DLC1: variants seen among roughly 807,000 people sequenced by gnomAD.
The protein encoded by DLC1 is rho GTPase-activating protein 7.
A neutral mutation model predicts 140.3 loss-of-function variants in DLC1; 54 were observed. The ratio of observed to expected loss-of-function variants is 0.38; its 90% CI spans 0.31 to 0.48. The LOEUF (loss-of-function observed/expected upper bound fraction) is 0.48. DLC1 is among the 20% of genes least tolerant of loss of function. The probability of loss-of-function intolerance (pLI) is 0.96; values close to 1 mark genes in which losing one functional copy is unlikely to be tolerated. For synonymous variants in DLC1, 986 were observed against 728.1 expected (o/e 1.35, Z -5.70); for missense variants, 2,536 against 1,907.0 (o/e 1.33, Z -6.14).
At chr8:13,091,231 G>T (rs1367563522) in intron 14 of DLC1, 87 bp downstream of exon 14, 4 of 1,298,780 alleles carry the variant, frequency 3.1e-6, no homozygotes, top group Non-Finnish European at 3.3e-6. Flanking sequence ...AAGGTCTTCA[G>T]GTAAGACATG....
chr8:13,432,546 CT>C (rs1174805329), intron 2 of DLC1, among the ~76,000 whole-genome samples: 1 of 152,080 alleles, frequency 6.6e-6, no homozygotes, highest in Non-Finnish European at 1.5e-5. Flanking sequence ...ATTCTTTGCA[CT>C]AAGAAAGGCA....
chr8:13,274,683 C>G (rs1233479263), intron 5 of DLC1, among the ~76,000 whole-genome samples: 1 of 152,144 alleles, frequency 6.6e-6, no homozygotes. Flanking sequence ...TTCTCATCAG[C>G]TGTCAAAGGC....
At chr8:13,378,731 T>A (rs1255623886) in intron 4 of DLC1, among the ~76,000 whole-genome samples, 1 of 152,170 alleles carries the variant, frequency 6.6e-6, no homozygotes, top group Non-Finnish European at 1.5e-5. Context: ...GAACAGAACT[T>A]CCGTTATGTG....
intron 5 of DLC1, among the ~76,000 whole-genome samples, chr8:13,142,998 G>C (rs1251930646): frequency 6.7e-6 from 1 of 150,366 alleles, no homozygotes; most frequent in Non-Finnish European, 1.5e-5. Flanking sequence ...AGCCAAGATT[G>C]TGCCGTTGCG....
Position 13,526,682 on chromosome 8 carries a change from A to G in DLC1, c.-125-26486T>C, listed in dbSNP as rs540904796. Among the ~76,000 whole-genome samples the G allele has an allele frequency of 7.6e-4, 115 of 152,304 alleles. 1 individual carries two copies. The Middle Eastern group carries it at 0.01, about 14-fold the overall frequency. On this transcript the variant is annotated intron_variant, in intron 1 of 1. Coordinates refer to the DLC1 transcript ENST00000631382. The stretch of plus-strand genomic sequence containing the variant: ...CAAACTATCGCAAGGACAGAAAGCC[A>G]AACACCGCATGTTCTCATTCATAGG...
chr8:13,453,047 G>T (rs978273494), intron 2 of DLC1, among the ~76,000 whole-genome samples: 1 of 151,776 alleles, frequency 6.6e-6, no homozygotes, highest in Non-Finnish European at 1.5e-5. Context: ...ACCCTATCAG[G>T]CAATTTAATC....
At chr8:13,370,954 A>C (rs930994547) in intron 4 of DLC1, among the ~76,000 whole-genome samples, 8 of 152,170 alleles carry the variant, frequency 5.3e-5, no homozygotes, top group Non-Finnish European at 1.0e-4. Flanking sequence ...TGCAGTGTTT[A>C]ATGGCTCTGA....
intron 1 of DLC1, among the ~76,000 whole-genome samples, chr8:13,504,863 G>A (rs1801983188): frequency 6.6e-6 from 1 of 152,054 alleles, no homozygotes; most frequent in South Asian, 2.1e-4. Flanking sequence ...ATGGCAAAAG[G>A]AAGCCAAGAA....
intron 5 of DLC1, among the ~76,000 whole-genome samples, chr8:13,293,813 G>C (rs758332829): frequency 1.8e-4 from 28 of 151,790 alleles, no homozygotes; most frequent in African/African-American, 6.5e-4. Context: ...TGTCATCTAC[G>C]TGTGTTGCTT....
chr8:13,478,863 C>G (rs1800556575), intron 2 of DLC1, among the ~76,000 whole-genome samples: 1 of 152,172 alleles, frequency 6.6e-6, no homozygotes, highest in Admixed American at 6.5e-5. Flanking sequence ...TGTTCTTGAA[C>G]CCACTGAAAA....
intron 1 of DLC1, among the ~76,000 whole-genome samples, chr8:13,579,374 A>ATAT (rs1491176204): frequency 1.6e-5 from 1 of 60,946 alleles, no homozygotes; most frequent in African/African-American, 5.7e-5. Flanking sequence ...TTTATATAAT[A>ATAT]CATATTTATA....
At position 13,115,601 on chromosome 8, in the gene DLC1, C is replaced by T. The variant is rs1211600892; in HGVS notation, c.1405G>A (p.Ala469Thr). The change falls in exon 6 of 18, where the codon GCA becomes ACA. Residue 469 changes from alanine to threonine, a missense_variant. By Grantham distance (58) the Ala-to-Thr change is moderately conservative. Coordinates refer to ENST00000276297, the MANE Select transcript of DLC1 (RefSeq NM_182643.3). ...CCCAGCTTACCTTCATAAAGCTGTG[C>T]ATACTGGGGGAAACCAGTTGCCCGT... Reference protein sequence around the residue: ...WLRATGFPQYAQLYEDFLFPI... With the variant: ...WLRATGFPQYTQLYEDFLFPI... The T allele has an allele frequency of 3.7e-6, 6 of 1,613,868 alleles. No individual in the cohort carries two copies. Among genetic ancestry groups the T allele is most frequent in the Non-Finnish European group, 5.1e-6 (6 of 1,179,890 alleles).
chr8:13,453,922 C>G (rs1799271253), intron 2 of DLC1, among the ~76,000 whole-genome samples: 1 of 152,006 alleles, frequency 6.6e-6, no homozygotes, highest in Non-Finnish European at 1.5e-5. Flanking sequence ...CATGTCCACT[C>G]AACTGACAAT....
Position 13,119,614 on chromosome 8 carries a change from C to T in DLC1, c.1349-3957G>A, listed in dbSNP as rs748869277. On this transcript the variant is annotated intron_variant, in intron 5 of 17. Coordinates refer to ENST00000276297, the MANE Select transcript of DLC1 (RefSeq NM_182643.3). ...GGATTACTAATATCTCTGAGATAAA[C>T]ACATGAGGAAACAGATAGAGAAGTA... Among the ~76,000 whole-genome samples, 294 of 152,200 alleles carry T rather than the reference C, an allele frequency of 1.9e-3. 1 individual carries two copies. The highest frequency in any genetic ancestry group is 3.1e-4 in the Non-Finnish European group (21 of 68,014).
intron 4 of DLC1, among the ~76,000 whole-genome samples, chr8:13,388,382 C>T (rs2117192417): frequency 6.6e-6 from 1 of 152,074 alleles, no homozygotes; most frequent in Non-Finnish European, 1.5e-5. Context: ...CAGATCATTC[C>T]AGAGCTGAAA....
At chr8:13,371,411 C>G (rs554235788) in intron 4 of DLC1, among the ~76,000 whole-genome samples, 44 of 152,264 alleles carry the variant, frequency 2.9e-4, no homozygotes, top group African/African-American at 1.0e-3. Context: ...CTCTCACTCT[C>G]TTCAAGTTCC....
chr8:13,469,341 T>C (rs1800100892), intron 2 of DLC1, among the ~76,000 whole-genome samples: 2 of 152,318 alleles, frequency 1.3e-5, no homozygotes, highest in Middle Eastern at 3.4e-3. Context: ...CATTAGTGAC[T>C]GTTCCAAAAG....
Position 13,283,443 on chromosome 8 carries a change from C to T in DLC1, c.1348+21826G>A, listed in dbSNP as rs548308955. Reference sequence around the variant, plus strand: ...CGTGACCATTGTTCTGATACCAACTCTGCATATGGGCAATTTTGGGGCCAC... The same window carrying T: ...CGTGACCATTGTTCTGATACCAACTTTGCATATGGGCAATTTTGGGGCCAC... On this transcript the variant is annotated intron_variant, in intron 5 of 17. Transcript: ENST00000276297. Among the ~76,000 whole-genome samples the T allele has an allele frequency of 2.0e-5, 3 of 152,322 alleles. No individual in the cohort carries two copies. The South Asian group carries it at 6.2e-4, about 32-fold the overall frequency.
chr8:13,205,775 C>G (rs149538037), intron 5 of DLC1, among the ~76,000 whole-genome samples: 11 of 152,212 alleles, frequency 7.2e-5, no homozygotes, highest in Admixed American at 3.3e-4. Context: ...CATAAGTAGA[C>G]ATAAGAGAGT....
Sources: allele counts gnomAD v4.1 joint callset (sites outside exome capture counted in the v4.1 genomes callset), GRCh38; gene constraint gnomAD v4.1.1; transcripts MANE v1.5; gene names NCBI Gene and HGNC (gene_info 2026-07-23, HGNC 2026-07-21).